The following PHKB variants were observed in gnomAD, a reference collection of about 807,000 sequenced individuals.
PHKB encodes the protein phosphorylase b kinase regulatory subunit beta.
Under a neutral mutation model 152.1 loss-of-function variants are expected in PHKB, and 122 were observed. The ratio of observed to expected loss-of-function variants is 0.80; its 90% CI spans 0.69 to 0.93. PHKB has a LOEUF of 0.93. Ranked by LOEUF, PHKB falls within the 40% of genes least tolerant of loss-of-function variation. PHKB has a pLI of 0.00. For missense variants in PHKB, 1,304 were observed against 1,328.4 expected (o/e 0.98, Z 0.29); for synonymous variants, 436 against 464.9 (o/e 0.94, Z 0.80).
At chr16:47,476,271 G>A (rs73547290) in intron 1 of PHKB, among the ~76,000 whole-genome samples, 16,968 of 151,976 alleles carry the variant, frequency 0.11, 2,046 homozygotes, top group African/African-American at 0.3. Flanking sequence ...AAATAAAAGC[G>A]TGTTTTCTTA....
Position 47,649,147 on chromosome 16 carries a change from C to A in PHKB, c.1740C>A (p.Phe580Leu). 1 of 1,610,924 alleles carries A rather than the reference C, an allele frequency of 6.2e-7. No individual in the cohort carries two copies. Among genetic ancestry groups the A allele is most frequent in the Non-Finnish European group, 8.5e-7 (1 of 1,177,224 alleles). ...GKTVVCYPII[F>L]DLSDFYMSQD... ...CTGTGGTTTGTTACCCGATTATTTT[C>A]GACCTAAGTGATTTCTACATGTCTC... Residue 580 changes from phenylalanine to leucine, a missense_variant, in exon 18 of 31, where the codon TTC becomes TTA. Transcript: ENST00000323584.
At chr16:47,586,302 G>C (rs1402649712) in intron 8 of PHKB, among the ~76,000 whole-genome samples, 2 of 152,220 alleles carry the variant, frequency 1.3e-5, no homozygotes, top group Non-Finnish European at 2.9e-5. Flanking sequence ...TGAAAGCAGA[G>C]TGCACAGTAC....
chr16:47,502,969 A>G, intron 3 of PHKB, 22 bp from the exon 4 acceptor site: 1 of 1,492,522 alleles, frequency 6.7e-7, no homozygotes, highest in Non-Finnish European at 9.4e-7. Flanking sequence ...AATTAGTTTC[A>G]TGAGTTATCT....
chr16:47,515,509 T>C lies in PHKB; in HGVS notation c.514-12T>C, dbSNP rs373800783. On this transcript the variant is annotated splice_polypyrimidine_tract_variant and intron_variant, in intron 5 of 30. Transcript: ENST00000323584. ...GTTTCCTTTAACCTTTTAATGTTTC[T>C]GTTTGTTGCAGATAAATGCAGTGTC... 5 of 1,235,478 alleles carry C rather than the reference T, an allele frequency of 4.0e-6. No homozygotes were observed. The African/African-American group carries it at 7.4e-5, about 18-fold the overall frequency. The allele number at this position is 1,235,478 out of a possible 1,614,324, so 76.5% of individuals were successfully genotyped here.
At chr16:47,691,429 G>A (rs544448977) in intron 27 of PHKB, among the ~76,000 whole-genome samples, 3 of 152,300 alleles carry the variant, frequency 2.0e-5, no homozygotes, top group South Asian at 4.1e-4. Context: ...GGAAGGCCAG[G>A]CACGATGGCT....
chr16:47,640,908 A>C (rs1973007118), intron 14 of PHKB, 127 bp from the exon 15 acceptor site: 1 of 845,834 alleles, frequency 1.2e-6, no homozygotes, highest in African/African-American at 1.7e-5. Flanking sequence ...GGCCGCTGAG[A>C]GCCAGCTGGT....
rs1970417490 is a variant in PHKB, at chr16:47,506,240, C to T, written c.405+3150C>T. Among the ~76,000 whole-genome samples the T allele has an allele frequency of 1.3e-4, 20 of 151,552 alleles. No homozygotes were observed. In the South Asian group the frequency reaches 4.0e-3, roughly 30 times the overall value. On this transcript the variant is annotated intron_variant, in intron 4 of 30. Coordinates refer to ENST00000323584, the MANE Select transcript of PHKB (RefSeq NM_000293.3). ...AATAAAAAGAGTGATAACAAGTCTTCTTCTTCAGGCCTGTAATTCAAGTCA... is the reference window on the plus strand; with the variant it reads ...AATAAAAAGAGTGATAACAAGTCTTTTTCTTCAGGCCTGTAATTCAAGTCA...
chr16:47,497,532 T>C (rs1280986295), intron 2 of PHKB, 44 bp downstream of exon 2: 6 of 1,089,712 alleles, frequency 5.5e-6, no homozygotes, highest in Non-Finnish European at 8.5e-6. Flanking sequence ...TATCTGCGAT[T>C]AGTATTCCCC....
chr16:47,467,378 C>T (rs980717222), intron 1 of PHKB, among the ~76,000 whole-genome samples: 3 of 152,142 alleles, frequency 2.0e-5, no homozygotes, highest in Non-Finnish European at 4.4e-5. Flanking sequence ...TTTTACTCTA[C>T]GTCCATCTTA....
chr16:47,480,840 A>G (rs900443635), intron 1 of PHKB, among the ~76,000 whole-genome samples: 2 of 152,224 alleles, frequency 1.3e-5, no homozygotes, highest in South Asian at 4.1e-4. Context: ...CCATAAAAAT[A>G]TGGTAAAGTT....
At chr16:47,519,874 A>C (rs1970657409) in intron 6 of PHKB, among the ~76,000 whole-genome samples, 1 of 152,080 alleles carries the variant, frequency 6.6e-6, no homozygotes, top group Non-Finnish European at 1.5e-5. Flanking sequence ...TAAGACTTTT[A>C]TTTTAAAGAT....
At chr16:47,644,354 C>T (rs570801120) in intron 16 of PHKB, among the ~76,000 whole-genome samples, 2 of 152,344 alleles carry the variant, frequency 1.3e-5, no homozygotes, top group African/African-American at 4.8e-5. Context: ...GTTGCTCCCT[C>T]ATTCATCTAT....
At chr16:47,512,421 T>C (rs1446318075) in intron 5 of PHKB, among the ~76,000 whole-genome samples, 1 of 152,194 alleles carries the variant, frequency 6.6e-6, no homozygotes, top group African/African-American at 2.4e-5. Context: ...AGTTTTTACA[T>C]GTTATCAAAT....
chr16:47,538,575 A>G (rs1444603776), intron 6 of PHKB, among the ~76,000 whole-genome samples: 1 of 152,244 alleles, frequency 6.6e-6, no homozygotes, highest in Non-Finnish European at 1.5e-5. Context: ...CCCTGAGGGC[A>G]AATGTCTCTG....
At chr16:47,552,815 A>C (rs1033026339) in intron 7 of PHKB, among the ~76,000 whole-genome samples, 1 of 151,934 alleles carries the variant, frequency 6.6e-6, no homozygotes, top group Admixed American at 6.6e-5. Context: ...ACACACACAC[A>C]CACACACACA....
At chr16:47,462,158 CCTG>C (rs1403068386) in intron 1 of PHKB, 1 of 152,168 alleles carries the variant, frequency 6.6e-6, no homozygotes, top group Non-Finnish European at 1.5e-5. Flanking sequence ...TTCCTGTATT[CCTG>C]GTTGGCTGGA....
intron 7 of PHKB, among the ~76,000 whole-genome samples, chr16:47,576,644 C>T (rs941482392): frequency 3.3e-5 from 5 of 152,068 alleles, no homozygotes; most frequent in South Asian, 2.1e-4. Flanking sequence ...GCAACTCTGG[C>T]GCATACACAT....
intron 26 of PHKB, among the ~76,000 whole-genome samples, chr16:47,678,771 T>G (rs980208914): frequency 6.6e-6 from 1 of 152,104 alleles, no homozygotes; most frequent in African/African-American, 2.4e-5. Flanking sequence ...GCTCTTTAGT[T>G]TAATTAGATC....
chr16:47,685,077 C>A (rs899254120), intron 26 of PHKB, among the ~76,000 whole-genome samples: 35 of 152,300 alleles, frequency 2.3e-4, no homozygotes, highest in Admixed American at 2.0e-3. Flanking sequence ...TTCCTTCCTT[C>A]CTTCCTTCCT....
Sources: allele counts gnomAD v4.1 joint callset (sites outside exome capture counted in the v4.1 genomes callset), GRCh38; gene constraint gnomAD v4.1.1; transcripts MANE v1.5; gene names NCBI Gene and HGNC (gene_info 2026-07-23, HGNC 2026-07-21).